MED13L: variants seen among roughly 807,000 people sequenced by gnomAD.
MED13L encodes the protein mediator of RNA polymerase II transcription subunit 13-like.
Under a neutral mutation model 220.9 loss-of-function variants are expected in MED13L, and 7 were observed. That is an observed-to-expected ratio of 0.03 (90% CI 0.02 to 0.06). The LOEUF is 0.06. Ranked by LOEUF, MED13L falls within the 10% of genes least tolerant of loss-of-function variation. The pLI, the probability that MED13L is intolerant of heterozygous loss-of-function variation, is 1.00. For missense variants in MED13L, 1,965 were observed against 2,760.5 expected (o/e 0.71, Z 6.46); for synonymous variants, 1,011 against 1,015.2 (o/e 1.00, Z 0.08).
Position 116,277,464 on chromosome 12 carries a change from G to A in MED13L, c.-333C>T. 1 of 139,258 alleles carries A rather than the reference G, an allele frequency of 7.2e-6. No homozygotes were observed. Among genetic ancestry groups the A allele is most frequent in the Non-Finnish European group, 1.6e-5 (1 of 64,488 alleles). The allele number at this position is 139,258 out of a possible 1,614,324, so 8.6% of individuals were successfully genotyped here. A position where few individuals can be genotyped will look rare whatever the true frequency, so the allele number is the denominator to read the frequency against. ...TATCTCCAGCCACCGACTCCCCCTC[G>A]GCCCCCGCCGGCGCGCGAGGGGAGG... On this transcript the variant is annotated 5_prime_UTR_variant, in exon 1 of 31. Coordinates refer to ENST00000281928, the MANE Select transcript of MED13L (RefSeq NM_015335.5).
At chr12:116,261,492 CAA>C (rs35601745) in intron 1 of MED13L, among the ~76,000 whole-genome samples, 8 of 58,110 alleles carry the variant, frequency 1.4e-4, no homozygotes, top group Admixed American at 2.0e-4. Flanking sequence ...AACTCAGTCT[CAA>C]AAAAAAAAAA....
intron 2 of MED13L, among the ~76,000 whole-genome samples, chr12:116,156,091 T>G (rs1280481854): frequency 6.6e-6 from 1 of 152,142 alleles, no homozygotes; most frequent in Non-Finnish European, 1.5e-5. Context: ...TTTTACTTCA[T>G]GCTATTATCG....
At chr12:115,980,993 C>G (rs1877289827) in intron 22 of MED13L, 55 bp from the exon 23 acceptor site, 1 of 1,450,338 alleles carries the variant, frequency 6.9e-7, no homozygotes, top group Non-Finnish European at 9.5e-7. Flanking sequence ...AAACTGAGAT[C>G]TAACACACTA....
At chr12:116,239,590 G>C (rs907191276) in intron 1 of MED13L, among the ~76,000 whole-genome samples, 1 of 152,032 alleles carries the variant, frequency 6.6e-6, no homozygotes, top group Non-Finnish European at 1.5e-5. Flanking sequence ...ATACCAACTG[G>C]ACAATCTTCC....
At chr12:115,997,289 CT>C in intron 14 of MED13L, 59 bp from the exon 15 acceptor site, 2 of 1,467,704 alleles carry the variant, frequency 1.4e-6, no homozygotes, top group Non-Finnish European at 9.5e-7. Context: ...AAAGTCCTAG[CT>C]TATAGCCAGG....
At chr12:116,213,995 C>T (rs1361596705) in intron 2 of MED13L, among the ~76,000 whole-genome samples, 4 of 152,176 alleles carry the variant, frequency 2.6e-5, no homozygotes, top group Admixed American at 6.5e-5. Context: ...AAAACACACA[C>T]GCACCCCTTG....
At chr12:116,213,236 A>G (rs912116382) in intron 2 of MED13L, among the ~76,000 whole-genome samples, 2 of 152,036 alleles carry the variant, frequency 1.3e-5, no homozygotes, top group African/African-American at 2.4e-5. Context: ...GACAAGGTGG[A>G]CAAGAAAGAG....
intron 25 of MED13L, among the ~76,000 whole-genome samples, chr12:115,972,908 G>A (rs1876685963): frequency 6.6e-6 from 1 of 152,106 alleles, no homozygotes; most frequent in South Asian, 2.1e-4. Context: ...GAAAGCACTT[G>A]GTCCCCTCTT....
At chr12:116,275,719 G>T (rs1873762759) in intron 1 of MED13L, among the ~76,000 whole-genome samples, 1 of 152,090 alleles carries the variant, frequency 6.6e-6, no homozygotes, top group African/African-American at 2.4e-5. Context: ...CAAAATGCAT[G>T]CTCTCCAAAA....
At chr12:116,190,950 G>A (rs1881233507) in intron 2 of MED13L, among the ~76,000 whole-genome samples, 1 of 151,890 alleles carries the variant, frequency 6.6e-6, no homozygotes, top group African/African-American at 2.4e-5. Flanking sequence ...AAATTAGTCG[G>A]GCGTGGTGGT....
intron 1 of MED13L, among the ~76,000 whole-genome samples, chr12:116,238,845 C>A (rs775997878): frequency 6.6e-6 from 1 of 152,078 alleles, no homozygotes; most frequent in Non-Finnish European, 1.5e-5. Context: ...GCCTGTAATC[C>A]CAGCACTTTG....
At chr12:115,987,054 CT>C in intron 18 of MED13L, 54 bp downstream of exon 18, 2 of 1,566,728 alleles carry the variant, frequency 1.3e-6, no homozygotes, top group Non-Finnish European at 1.8e-6. Context: ...TAACGCTGCT[CT>C]TCACTGAACA....
chr12:116,147,562 A>G (rs1216904783), intron 2 of MED13L, among the ~76,000 whole-genome samples: 1 of 152,194 alleles, frequency 6.6e-6, no homozygotes, highest in African/African-American at 2.4e-5. Context: ...CAGGCGACAG[A>G]GCAGTCTTTA....
intron 21 of MED13L, 125 bp from the exon 22 acceptor site, chr12:115,982,728 G>T: frequency 1.1e-6 from 1 of 935,946 alleles, no homozygotes; most frequent in Non-Finnish European, 1.7e-6. Context: ...AAAGGTAAGA[G>T]TAACATTTAT....
At chr12:116,264,524 CAAAA>C (rs1335738803) in intron 1 of MED13L, among the ~76,000 whole-genome samples, 1 of 152,190 alleles carries the variant, frequency 6.6e-6, no homozygotes, top group East Asian at 1.9e-4. Flanking sequence ...TCCTTGAACT[CAAAA>C]AACACTCAAG....
At chr12:116,225,840 TAA>T (rs1868929324) in intron 2 of MED13L, among the ~76,000 whole-genome samples, 1 of 152,148 alleles carries the variant, frequency 6.6e-6, no homozygotes, top group African/African-American at 2.4e-5. Context: ...TGTCAGAAAG[TAA>T]GCCTTCAAGA....
chr12:116,274,805 ATTCT>A (rs1356113026), intron 1 of MED13L, among the ~76,000 whole-genome samples: 1 of 152,078 alleles, frequency 6.6e-6, no homozygotes, highest in Non-Finnish European at 1.5e-5. Flanking sequence ...TTAAAAAATA[ATTCT>A]TTTTAAAAAA....
chr12:116,193,370 T>C (rs1287575031), intron 2 of MED13L, among the ~76,000 whole-genome samples: 1 of 152,214 alleles, frequency 6.6e-6, no homozygotes, highest in Non-Finnish European at 1.5e-5. Context: ...AAAAATATTT[T>C]TCAATGTAAT....
At chr12:116,240,694 G>A (rs899211135) in intron 1 of MED13L, among the ~76,000 whole-genome samples, 30 of 151,480 alleles carry the variant, frequency 2.0e-4, no homozygotes, top group African/African-American at 6.0e-4. Flanking sequence ...CCGCCACCGC[G>A]CCCGGCTAAT....
Sources: gnomAD v4.1 joint callset for allele counts (sites outside exome capture counted in the v4.1 genomes callset) on GRCh38, gnomAD v4.1.1 for gene constraint, MANE v1.5 for transcripts, NCBI Gene and HGNC (gene_info 2026-07-23, HGNC 2026-07-21) for gene names.